Variants in HDAC9 observed in about 807,000 individuals in gnomAD.
HDAC9 encodes histone deacetylase 9.
A neutral mutation model predicts 139.4 loss-of-function variants in HDAC9; 41 were observed. The observed-to-expected ratio is 0.29, with a 90% CI of 0.23 to 0.38. The LOEUF is 0.38. Among genes scored for constraint, HDAC9 ranks in the 10% least tolerant of loss-of-function variants. HDAC9 has a pLI of 1.00. For synonymous variants in HDAC9, 517 were observed against 476.2 expected, an observed-to-expected ratio of 1.09 and a Z score of -1.12; for missense variants, 1,147 against 1,297.0, an observed-to-expected ratio of 0.88 and a Z score of 1.78.
At chr7:18,421,530 A>C (rs530383687) in intron 1 of HDAC9, among the ~76,000 whole-genome samples, 1 of 152,174 alleles carries the variant, frequency 6.6e-6, no homozygotes. Context: ...AGAATAAAAC[A>C]GAAAGAACAC....
At chr7:18,184,347 C>T (rs892042669) in intron 2 of HDAC9, among the ~76,000 whole-genome samples, 3 of 152,074 alleles carry the variant, frequency 2.0e-5, no homozygotes, top group Admixed American at 6.5e-5. Flanking sequence ...TTGCGGTGAG[C>T]CAAGATCTCT....
chr7:18,409,425 A>G (rs1161310798), intron 1 of HDAC9, among the ~76,000 whole-genome samples: 3 of 152,130 alleles, frequency 2.0e-5, no homozygotes, highest in African/African-American at 7.2e-5. Flanking sequence ...TTTTTTTCAC[A>G]GAAAGTGAAA....
At chr7:18,546,045 A>C (rs979848578) in intron 2 of HDAC9, among the ~76,000 whole-genome samples, 3 of 152,178 alleles carry the variant, frequency 2.0e-5, no homozygotes, top group Admixed American at 6.5e-5. Flanking sequence ...CAAAACTGTG[A>C]TCTTATTCTG....
intron 25 of HDAC9, among the ~76,000 whole-genome samples, chr7:18,989,910 C>G (rs1430977840): frequency 6.6e-6 from 1 of 151,396 alleles, no homozygotes; most frequent in Non-Finnish European, 1.5e-5. Flanking sequence ...TCCATCAGCT[C>G]CTTTAAGCAC....
intron 1 of HDAC9, among the ~76,000 whole-genome samples, chr7:18,479,556 AT>A (rs1795380557): frequency 6.6e-6 from 1 of 152,164 alleles, no homozygotes; most frequent in Admixed American, 6.5e-5. Flanking sequence ...AACTCCTGAA[AT>A]CTGATAAGGC....
chr7:18,893,700 A>G (rs1360167284), intron 22 of HDAC9, among the ~76,000 whole-genome samples: 1 of 152,204 alleles, frequency 6.6e-6, no homozygotes, highest in East Asian at 1.9e-4. Context: ...AAAATAAGTA[A>G]GCAAACATAG....
intron 25 of HDAC9, among the ~76,000 whole-genome samples, chr7:18,985,729 CTGT>C (rs1266012479): frequency 1.4e-5 from 2 of 143,982 alleles, no homozygotes; most frequent in African/African-American, 2.8e-5. Context: ...TCTCCAGCAC[CTGT>C]TGTTTCCTGA....
At chr7:18,559,673 C>T (rs1367881869) in intron 2 of HDAC9, among the ~76,000 whole-genome samples, 1 of 152,150 alleles carries the variant, frequency 6.6e-6, no homozygotes, top group Non-Finnish European at 1.5e-5. Context: ...CCCTTTTCAG[C>T]CTGCATAGGT....
intron 24 of HDAC9, among the ~76,000 whole-genome samples, chr7:18,963,372 T>C (rs959843097): frequency 6.6e-6 from 1 of 152,196 alleles, no homozygotes; most frequent in Non-Finnish European, 1.5e-5. Context: ...CCTGGAGGAA[T>C]GTATTTCTAA....
At chr7:18,363,700 A>G (rs1036458944) in intron 1 of HDAC9, among the ~76,000 whole-genome samples, 1 of 152,156 alleles carries the variant, frequency 6.6e-6, no homozygotes, top group African/African-American at 2.4e-5. Flanking sequence ...AGGATTAATT[A>G]GAGAAAGCCA....
intron 1 of HDAC9, among the ~76,000 whole-genome samples, chr7:18,382,670 A>G (rs1785543682): frequency 1.3e-5 from 2 of 152,258 alleles, no homozygotes; most frequent in Admixed American, 6.5e-5. Context: ...TTGTCTACCT[A>G]AAAGTCAAAA....
intron 2 of HDAC9, among the ~76,000 whole-genome samples, chr7:18,241,002 G>A: frequency 6.6e-6 from 1 of 152,178 alleles, no homozygotes; most frequent in East Asian, 1.9e-4. Flanking sequence ...GGTGTATACA[G>A]AGTCCAGACC....
At chr7:18,736,429 G>A (rs891483272) in intron 13 of HDAC9, among the ~76,000 whole-genome samples, 2 of 152,146 alleles carry the variant, frequency 1.3e-5, no homozygotes, top group Admixed American at 6.5e-5. Flanking sequence ...GATTTATTGA[G>A]AGTTTTTAGC....
At chr7:18,877,029 C>T (rs1192314310) in intron 22 of HDAC9, among the ~76,000 whole-genome samples, 1 of 152,110 alleles carries the variant, frequency 6.6e-6, no homozygotes, top group Non-Finnish European at 1.5e-5. Context: ...ATGCACACTA[C>T]AGAGAACATA....
At chr7:18,643,274 T>G (rs1786316440) in intron 8 of HDAC9, among the ~76,000 whole-genome samples, 2 of 152,138 alleles carry the variant, frequency 1.3e-5, no homozygotes, top group South Asian at 4.1e-4. Flanking sequence ...TTAAAATCTT[T>G]CCCAACAATC....
chr7:18,605,782 G>A (rs549926724), intron 6 of HDAC9, among the ~76,000 whole-genome samples: 8 of 152,184 alleles, frequency 5.3e-5, no homozygotes, highest in African/African-American at 1.4e-4. Flanking sequence ...CCAGGTTCAC[G>A]CTATTCTCCT....
In HDAC9 at chr7:18,996,416, A is replaced by G. The variant is rs1786466899; in HGVS notation, c.*354A>G. On this transcript the variant is annotated 3_prime_UTR_variant, in exon 26 of 26. Transcript: ENST00000686413. ...TATTGTTAATTTCAGAAGCTATGACAGCCAGTGAAATTTTGGGCAAAACCT... is the reference window on the plus strand; with the variant it reads ...TATTGTTAATTTCAGAAGCTATGACGGCCAGTGAAATTTTGGGCAAAACCT... 2 of 172,554 alleles carry G rather than the reference A, an allele frequency of 1.2e-5. No individual in the cohort carries two copies. Among genetic ancestry groups the G allele is most frequent in the Non-Finnish European group, 2.5e-5 (2 of 80,774 alleles). 10.7% of individuals were successfully genotyped at this position (172,554 alleles called of 1,614,324 possible).
At chr7:18,224,421 C>A (rs915644906) in intron 2 of HDAC9, among the ~76,000 whole-genome samples, 5 of 152,152 alleles carry the variant, frequency 3.3e-5, no homozygotes, top group Admixed American at 3.3e-4. Flanking sequence ...CCTTAGGGGC[C>A]CAGAATTCTT....
At chr7:18,208,697 A>T (rs2731556) in intron 2 of HDAC9, among the ~76,000 whole-genome samples, 49,805 of 152,022 alleles carry the variant, frequency 0.33, 9,300 homozygotes, top group Admixed American at 0.45. Flanking sequence ...TTAAATTGTA[A>T]ACAAAGTTAT....
Sources: allele counts gnomAD v4.1 joint callset (sites outside exome capture counted in the v4.1 genomes callset), GRCh38; gene constraint gnomAD v4.1.1; transcripts MANE v1.5; gene names NCBI Gene and HGNC (gene_info 2026-07-23, HGNC 2026-07-21).